SOX6: variants seen among roughly 807,000 people sequenced by gnomAD.
SOX6 encodes transcription factor SOX-6.
In SOX6, 11 loss-of-function variants were observed where a neutral mutation model predicts 97.8. That is an observed-to-expected ratio of 0.11 (90% CI 0.07 to 0.19). The LOEUF is 0.19. Among genes scored for constraint, SOX6 ranks in the 10% least tolerant of loss-of-function variants. The pLI, the probability that SOX6 is intolerant of heterozygous loss-of-function variation, is 1.00. For missense variants in SOX6, 810 were observed against 1,039.5 expected (o/e 0.78, Z 3.04); for synonymous variants, 360 against 371.4 (o/e 0.97, Z 0.35).
chr11:16,110,429 A>C (rs909678029), intron 7 of SOX6: 2 of 152,136 alleles, frequency 1.3e-5, no homozygotes, highest in African/African-American at 2.4e-5. Context: ...CTCTGAAAAA[A>C]TATACTCCTG....
chr11:16,557,034 T>G (rs890183774), intron 4 of SOX6, among the ~76,000 whole-genome samples: 2 of 151,816 alleles, frequency 1.3e-5, no homozygotes, highest in African/African-American at 4.8e-5. Context: ...AGACTTCTGA[T>G]GGTATTTTCA....
At chr11:15,980,813 A>G (rs1460028886) in intron 15 of SOX6, among the ~76,000 whole-genome samples, 1 of 152,014 alleles carries the variant, frequency 6.6e-6, no homozygotes, top group East Asian at 1.9e-4. Flanking sequence ...GCTCTTGTCT[A>G]CAAAATGAAG....
At chr11:16,574,862 A>G (rs1473009559) in intron 4 of SOX6, among the ~76,000 whole-genome samples, 1 of 152,086 alleles carries the variant, frequency 6.6e-6, no homozygotes, top group Non-Finnish European at 1.5e-5. Flanking sequence ...CAACATGGTG[A>G]AACCTCATCT....
At chr11:16,682,872 T>C (rs1361374015) in intron 3 of SOX6, among the ~76,000 whole-genome samples, 3 of 152,238 alleles carry the variant, frequency 2.0e-5, no homozygotes, top group African/African-American at 7.2e-5. Flanking sequence ...CTTAAGCTGA[T>C]AAGCAACTTC....
rs1275845022 is a variant in SOX6 at position 16,257,789 on chromosome 11, A to T, written c.446-23118T>A. 2.0e-5 allele frequency among the ~76,000 whole-genome samples: 3 copies of T among 152,048 alleles called. No homozygotes were observed. In the East Asian group the frequency reaches 5.8e-4, roughly 29 times the overall value. Reference sequence around the variant, plus strand: ...AAAACATGCCACAGACTGGGAAAAAAATATTTGCAAAAGACATATCTGATA... The same window carrying T: ...AAAACATGCCACAGACTGGGAAAAATATATTTGCAAAAGACATATCTGATA... On this transcript the variant is annotated intron_variant, in intron 3 of 15. Coordinates refer to ENST00000683767, the MANE Select transcript of SOX6 (RefSeq NM_001367873.1).
chr11:16,289,948 A>G (rs907176706), intron 3 of SOX6, among the ~76,000 whole-genome samples: 1 of 152,088 alleles, frequency 6.6e-6, no homozygotes, highest in Non-Finnish European at 1.5e-5. Context: ...AATTAAGATG[A>G]TTAGATATAA....
chr11:16,235,614 T>C (rs1355735280), intron 3 of SOX6, among the ~76,000 whole-genome samples: 2 of 152,140 alleles, frequency 1.3e-5, no homozygotes, highest in Admixed American at 1.3e-4. Context: ...ACATTCCAAG[T>C]GTCAAAATTC....
chr11:16,131,974 A>G (rs1311467473), intron 6 of SOX6, among the ~76,000 whole-genome samples: 1 of 151,904 alleles, frequency 6.6e-6, no homozygotes, highest in African/African-American at 2.4e-5. Context: ...ATATGGCTCT[A>G]TACAACTTCC....
chr11:16,467,129 C>A (rs1590214493), intron 1 of SOX6, among the ~76,000 whole-genome samples: 1 of 151,920 alleles, frequency 6.6e-6, no homozygotes, highest in South Asian at 2.1e-4. Flanking sequence ...ATTAAAAAGT[C>A]AAAAAATAAC....
chr11:16,107,182 G>C (rs1258404352), intron 7 of SOX6, among the ~76,000 whole-genome samples: 1 of 151,666 alleles, frequency 6.6e-6, no homozygotes, highest in Non-Finnish European at 1.5e-5. Context: ...ACAGTTTGGT[G>C]GTTTCTCAAA....
chr11:16,237,975 A>T (rs1026110683), intron 3 of SOX6, among the ~76,000 whole-genome samples: 2 of 151,968 alleles, frequency 1.3e-5, no homozygotes. Context: ...ACATATTTTT[A>T]AAAAATGAAC....
At chr11:16,365,793 T>C (rs1167980905) in intron 1 of SOX6, among the ~76,000 whole-genome samples, 1 of 152,202 alleles carries the variant, frequency 6.6e-6, no homozygotes, top group Non-Finnish European at 1.5e-5. Flanking sequence ...ACGATGTTCA[T>C]GATTTTTTAT....
At position 15,966,810 on chromosome 11, in the gene SOX6, T is replaced by C. The variant is rs1454467366; in HGVS notation, c.*5999A>G. 6.6e-6 allele frequency: 1 copy of C among 152,242 alleles called. No homozygotes were observed. Among genetic ancestry groups the C allele is most frequent in the Non-Finnish European group, 1.5e-5 (1 of 68,042 alleles). The allele number at this position is 152,242 out of a possible 1,614,324, so 9.4% of individuals were successfully genotyped here. A position where few individuals can be genotyped will look rare whatever the true frequency, so the allele number is the denominator to read the frequency against. On this transcript the variant is annotated 3_prime_UTR_variant, in exon 16 of 16. Transcript: ENST00000683767. Reference sequence around the variant, plus strand: ...AAAGTACCACTGAAAGATTATTCAATGTTGAGCTTTATCTCACGTCAATAC... The same window carrying C: ...AAAGTACCACTGAAAGATTATTCAACGTTGAGCTTTATCTCACGTCAATAC...
At chr11:16,048,680 ATTC>A (rs2133911518) in intron 11 of SOX6, among the ~76,000 whole-genome samples, 1 of 152,292 alleles carries the variant, frequency 6.6e-6, no homozygotes, top group East Asian at 1.9e-4. Flanking sequence ...GTTAATGGCT[ATTC>A]TTATACATTA....
At chr11:16,018,955 C>T (rs977520022) in intron 12 of SOX6, among the ~76,000 whole-genome samples, 1 of 152,094 alleles carries the variant, frequency 6.6e-6, no homozygotes, top group Non-Finnish European at 1.5e-5. Context: ...TTTATACCAT[C>T]TTTAAGCATG....
At chr11:16,022,307 TTTCC>T (rs1296636394) in intron 12 of SOX6, among the ~76,000 whole-genome samples, 20 of 141,382 alleles carry the variant, frequency 1.4e-4, no homozygotes, top group East Asian at 4.7e-4. Flanking sequence ...ATGCTTTGTT[TTTCC>T]TTCCTTCCTT....
At chr11:16,449,277 C>CTTTTTTTTTTTTTTTTTTTT in intron 1 of SOX6, among the ~76,000 whole-genome samples, 1 of 62,908 alleles carries the variant, frequency 1.6e-5, no homozygotes, top group Non-Finnish European at 2.7e-5. Context: ...AATGCTCCTT[C>CTTTTTTTTTTTTTTTTTTTT]TTTTTTTTTT....
intron 3 of SOX6, among the ~76,000 whole-genome samples, chr11:16,627,187 T>G (rs1245131086): frequency 6.6e-6 from 1 of 152,240 alleles, no homozygotes; most frequent in Non-Finnish European, 1.5e-5. Flanking sequence ...TATTCTATGT[T>G]GTATACATAC....
chr11:16,245,438 G>C (rs1853309376), intron 3 of SOX6, among the ~76,000 whole-genome samples: 1 of 151,584 alleles, frequency 6.6e-6, no homozygotes, highest in African/African-American at 2.4e-5. Flanking sequence ...ACATCAGTTA[G>C]GTTAAGTTGA....
Sources: allele counts gnomAD v4.1 joint callset (sites outside exome capture counted in the v4.1 genomes callset), GRCh38; gene constraint gnomAD v4.1.1; transcripts MANE v1.5; gene names NCBI Gene and HGNC (gene_info 2026-07-23, HGNC 2026-07-21).